The following CSMD1 variants were observed in gnomAD, a reference collection of about 807,000 sequenced individuals.
The protein encoded by CSMD1 is CUB and sushi domain-containing protein 1.
A neutral mutation model predicts 417.5 loss-of-function variants in CSMD1; 213 were observed. The observed-to-expected ratio is 0.51, with a 90% CI of 0.46 to 0.57. The LOEUF (loss-of-function observed/expected upper bound fraction) is 0.57, where lower values mean the gene tolerates loss of function less well. CSMD1 is among the 20% of genes least tolerant of loss of function. The pLI, the probability that CSMD1 is intolerant of heterozygous loss-of-function variation, is 0.00. For synonymous variants in CSMD1, 2,862 were observed against 1,736.8 expected (o/e 1.65, Z -16.11); for missense variants, 6,923 against 4,529.7 (o/e 1.53, Z -15.17).
rs541928736 is a variant in CSMD1, at chr8:4,628,419, CAT to C, written c.302+8921_302+8922del. Among the ~76,000 whole-genome samples the C allele has an allele frequency of 9.2e-3, 1,039 of 112,892 alleles. 6 individuals are homozygous for C. The highest frequency in any genetic ancestry group is 0.03 in the African/African-American group (911 of 30,754). The allele number at this position is 112,892 out of a possible 152,430, so 74.1% of individuals were successfully genotyped here. ...ACACATATATATACACATATATATA[CAT>C]ATATATACACATATACACATATATA... is the stretch of plus-strand genomic sequence containing the variant. On this transcript the variant is annotated intron_variant, in intron 2 of 69. Transcript: ENST00000635120.
At chr8:4,486,340 C>T (rs1270303544) in intron 2 of CSMD1, among the ~76,000 whole-genome samples, 6 of 148,950 alleles carry the variant, frequency 4.0e-5, no homozygotes, top group Admixed American at 2.0e-4. Flanking sequence ...CAGTAATTTG[C>T]GACGATTCTA....
chr8:4,447,285 C>G (rs529147505), intron 2 of CSMD1, among the ~76,000 whole-genome samples: 1 of 152,098 alleles, frequency 6.6e-6, no homozygotes, highest in Non-Finnish European at 1.5e-5. Flanking sequence ...AAATCAAAGT[C>G]TGAGGCAGAC....
rs561303711 is a variant in CSMD1 at position 3,853,327 on chromosome 8, T to C, written c.819-99285A>G. Among the ~76,000 whole-genome samples, 154 of 152,330 alleles carry C rather than the reference T, an allele frequency of 1.0e-3. 1 individual carries two copies. Among genetic ancestry groups the C allele is most frequent in the African/African-American group, 1.1e-3 (44 of 41,578 alleles). On this transcript the variant is annotated intron_variant, in intron 5 of 69. Coordinates refer to ENST00000635120, the MANE Select transcript of CSMD1 (RefSeq NM_033225.6). ...ATTTTTCTTCTCACCTGACACTTAT[T>C]ATTTCATAACATGCTCCACAATTTA...
At chr8:2,997,174 A>G (rs927666448) in intron 54 of CSMD1, among the ~76,000 whole-genome samples, 1 of 152,242 alleles carries the variant, frequency 6.6e-6, no homozygotes, top group Admixed American at 6.5e-5. Context: ...GACAGTGACT[A>G]GTATTTTAGG....
chr8:4,203,308 C>T (rs145579893), intron 3 of CSMD1, among the ~76,000 whole-genome samples: 14 of 152,096 alleles, frequency 9.2e-5, no homozygotes, highest in Admixed American at 2.6e-4. Context: ...CTCAACACCA[C>T]GGGGTCGGCT....
At chr8:4,392,196 G>A (rs529999276) in intron 3 of CSMD1, among the ~76,000 whole-genome samples, 1 of 152,188 alleles carries the variant, frequency 6.6e-6, no homozygotes, top group Non-Finnish European at 1.5e-5. Context: ...TCTTGAGGTT[G>A]CTTTTTACAC....
intron 3 of CSMD1, among the ~76,000 whole-genome samples, chr8:4,193,950 G>T (rs538369660): frequency 6.6e-6 from 1 of 151,768 alleles, no homozygotes; most frequent in Non-Finnish European, 1.5e-5. Flanking sequence ...TGGGGCTGCA[G>T]GTAATTTATA....
At chr8:3,950,771 A>C (rs781118111) in intron 5 of CSMD1, among the ~76,000 whole-genome samples, 2 of 152,212 alleles carry the variant, frequency 1.3e-5, no homozygotes, top group Non-Finnish European at 2.9e-5. Context: ...CATCGCTAAC[A>C]AACAGTACAT....
chr8:3,004,514 G>C (rs1807704457), intron 52 of CSMD1, among the ~76,000 whole-genome samples: 1 of 152,194 alleles, frequency 6.6e-6, no homozygotes, highest in Admixed American at 6.5e-5. Flanking sequence ...GAAGCAAATG[G>C]TTGAAGAATT....
At position 3,025,584 on chromosome 8, in the gene CSMD1, G is replaced by A. The variant is rs528915047; in HGVS notation, c.7855+3735C>T. Among the ~76,000 whole-genome samples, 72 of 152,338 alleles carry A rather than the reference G, an allele frequency of 4.7e-4. 2 individuals are homozygous for A. The South Asian group carries it at 6.4e-3, about 14-fold the overall frequency. ...CTGATATTCTTTTAGCGGTCAACAAGCATCTCCCTTTCCAATGACTACACT... is the reference window on the plus strand; with the variant it reads ...CTGATATTCTTTTAGCGGTCAACAAACATCTCCCTTTCCAATGACTACACT... On this transcript the variant is annotated intron_variant, in intron 51 of 69. Transcript: ENST00000635120.
chr8:3,409,358 C>A (rs1369235604), intron 13 of CSMD1, 65 bp downstream of exon 13: 3 of 1,403,924 alleles, frequency 2.1e-6, no homozygotes, highest in South Asian at 3.4e-5. Context: ...GTGTCTTTCT[C>A]CTTTTCTCCC....
chr8:4,009,163 C>T (rs534652527), intron 4 of CSMD1, among the ~76,000 whole-genome samples: 1 of 152,170 alleles, frequency 6.6e-6, no homozygotes, highest in Non-Finnish European at 1.5e-5. Context: ...AGGAAAGATG[C>T]ATTTGAATCT....
intron 17 of CSMD1, 131 bp from the exon 18 acceptor site, chr8:3,387,813 C>G (rs1326881354): frequency 1.4e-6 from 1 of 728,454 alleles, no homozygotes; most frequent in South Asian, 2.0e-5. Context: ...GTGAACCCAA[C>G]AATCCATGGA....
At chr8:4,042,725 A>C (rs1187808531) in intron 3 of CSMD1, among the ~76,000 whole-genome samples, 2 of 151,192 alleles carry the variant, frequency 1.3e-5, no homozygotes, top group African/African-American at 4.9e-5. Flanking sequence ...AGTGACAGAA[A>C]TGACAGCAAT....
At chr8:3,874,566 C>T (rs1805690342) in intron 5 of CSMD1, among the ~76,000 whole-genome samples, 1 of 152,124 alleles carries the variant, frequency 6.6e-6, no homozygotes, top group Non-Finnish European at 1.5e-5. Context: ...GATGTTGCTG[C>T]CTCTGTGATG....
intron 6 of CSMD1, among the ~76,000 whole-genome samples, chr8:3,751,328 A>G (rs7013827): frequency 0.5 from 62,392 of 124,544 alleles, 13,575 homozygotes; most frequent in East Asian, 0.52. Context: ...GTGTGTGTGT[A>G]TATATATATA....
chr8:4,357,176 C>T (rs1465642398), intron 3 of CSMD1, among the ~76,000 whole-genome samples: 1 of 152,164 alleles, frequency 6.6e-6, no homozygotes, highest in Non-Finnish European at 1.5e-5. Flanking sequence ...TACGCAAATG[C>T]TCACACATGT....
intron 15 of CSMD1, among the ~76,000 whole-genome samples, chr8:3,403,568 T>G (rs908946865): frequency 1.3e-5 from 2 of 152,222 alleles, no homozygotes; most frequent in African/African-American, 4.8e-5. Context: ...TGTGCTGTGG[T>G]CCACACTCAC....
Position 3,446,363 on chromosome 8 carries a change from A to G in CSMD1, c.1561+22349T>C, listed in dbSNP as rs530155538. On this transcript the variant is annotated intron_variant, in intron 12 of 69. Transcript: ENST00000635120. ...AATTTACATAGACTGTTTGCAAAATACACAAATGTAAATATGGCTTTCAAC... is the reference window on the plus strand; with the variant it reads ...AATTTACATAGACTGTTTGCAAAATGCACAAATGTAAATATGGCTTTCAAC... Among the ~76,000 whole-genome samples the G allele has an allele frequency of 2.0e-5, 3 of 152,368 alleles. No homozygotes were observed. In the East Asian group the frequency reaches 5.8e-4, roughly 29 times the overall value.
Sources: gnomAD v4.1 joint callset for allele counts (sites outside exome capture counted in the v4.1 genomes callset) on GRCh38, gnomAD v4.1.1 for gene constraint, MANE v1.5 for transcripts, NCBI Gene and HGNC (gene_info 2026-07-23, HGNC 2026-07-21) for gene names.